Variants in EBF2 observed in about 807,000 individuals in gnomAD.
EBF2 encodes the protein transcription factor COE2.
In EBF2, 21 loss-of-function variants were observed where a neutral mutation model predicts 72.8. The ratio of observed to expected loss-of-function variants is 0.29; its 90% CI spans 0.20 to 0.42. EBF2 has a LOEUF of 0.42. EBF2 is among the 10% of genes least tolerant of loss of function. The pLI is 1.00. For synonymous variants in EBF2, 299 were observed against 274.2 expected, an observed-to-expected ratio of 1.09 and a Z score of -0.89; for missense variants, 637 against 731.2, an observed-to-expected ratio of 0.87 and a Z score of 1.49.
intron 5 of EBF2, among the ~76,000 whole-genome samples, chr8:26,034,692 A>G (rs1182561600): frequency 1.3e-5 from 2 of 152,244 alleles, no homozygotes; most frequent in South Asian, 2.1e-4. Flanking sequence ...TCCACTATCA[A>G]CTATAGTTGG....
At chr8:25,892,819 CTCAGT>C (rs1275405983) in intron 7 of EBF2, among the ~76,000 whole-genome samples, 1 of 152,130 alleles carries the variant, frequency 6.6e-6, no homozygotes, top group Non-Finnish European at 1.5e-5. Context: ...TTAAAGGAAC[CTCAGT>C]TGTCATTCAG....
intron 6 of EBF2, among the ~76,000 whole-genome samples, chr8:25,960,988 T>C (rs561347106): frequency 6.6e-6 from 1 of 152,310 alleles, no homozygotes; most frequent in South Asian, 2.1e-4. Context: ...AGTATGTGTG[T>C]ATTCATAAGT....
At chr8:25,898,792 C>T (rs1802898700) in intron 7 of EBF2, among the ~76,000 whole-genome samples, 1 of 152,134 alleles carries the variant, frequency 6.6e-6, no homozygotes, top group African/African-American at 2.4e-5. Context: ...ATCAGGAGCA[C>T]ACAGGCCCTG....
At chr8:25,936,185 A>G (rs1267339188) in intron 6 of EBF2, among the ~76,000 whole-genome samples, 2 of 152,186 alleles carry the variant, frequency 1.3e-5, no homozygotes, top group Admixed American at 6.5e-5. Context: ...AAGACATTAT[A>G]CTAAAACTCT....
chr8:26,018,374 C>T (rs374040991), intron 6 of EBF2, among the ~76,000 whole-genome samples: 8 of 151,292 alleles, frequency 5.3e-5, no homozygotes, highest in African/African-American at 1.5e-4. Flanking sequence ...GAGAAACGGC[C>T]GGACGCGGTG....
chr8:25,885,123 ACC>A (rs1802668387), intron 10 of EBF2, among the ~76,000 whole-genome samples: 1 of 151,936 alleles, frequency 6.6e-6, no homozygotes, highest in South Asian at 2.1e-4. Flanking sequence ...TGAAGACAAT[ACC>A]TTTGAGTTAC....
At chr8:25,869,451 C>T (rs4872371) in intron 10 of EBF2, among the ~76,000 whole-genome samples, 2,069 of 152,234 alleles carry the variant, frequency 0.014, 110 homozygotes, top group Admixed American at 0.09. Flanking sequence ...ACCCTGTGTG[C>T]ACATGCCAGC....
intron 10 of EBF2, among the ~76,000 whole-genome samples, chr8:25,870,948 C>A (rs536340545): frequency 6.6e-6 from 1 of 152,002 alleles, no homozygotes; most frequent in Non-Finnish European, 1.5e-5. Context: ...CACATACACA[C>A]CGACAGAATT....
intron 11 of EBF2, 140 bp downstream of exon 11, chr8:25,862,569 T>C (rs1171393837): frequency 1.3e-5 from 6 of 464,326 alleles, no homozygotes; most frequent in Non-Finnish European, 2.3e-5. Flanking sequence ...TAGCAGATAT[T>C]TTATGTGCAT....
intron 15 of EBF2, among the ~76,000 whole-genome samples, chr8:25,848,673 T>C (rs1235613070): frequency 6.6e-6 from 1 of 152,142 alleles, no homozygotes; most frequent in African/African-American, 2.4e-5. Context: ...GGGTGATCAG[T>C]GGAAGTCAAG....
Position 25,971,444 on chromosome 8 carries a change from AC to A in EBF2, c.551+61640del, listed in dbSNP as rs1804188482. 1.3e-5 allele frequency among the ~76,000 whole-genome samples: 2 copies of A among 152,062 alleles called. 1 individual carries two copies. Among genetic ancestry groups the A allele is most frequent in the South Asian group, 4.1e-4 (2 of 4,820 alleles). On this transcript the variant is annotated intron_variant, in intron 6 of 15. Coordinates refer to ENST00000520164, the MANE Select transcript of EBF2 (RefSeq NM_022659.4). ...ACACTACAGTGTGACTGGATTCCAG[AC>A]CCCGCCCCCGAAAAAAAGACCTCAA...
chr8:25,970,404 A>G (rs1804172800), intron 6 of EBF2, among the ~76,000 whole-genome samples: 1 of 152,258 alleles, frequency 6.6e-6, no homozygotes, highest in South Asian at 2.1e-4. Context: ...GCTCCAGCAA[A>G]TAACTTTAAT....
chr8:25,938,241 T>C (rs1803611271), intron 6 of EBF2, among the ~76,000 whole-genome samples: 2 of 152,142 alleles, frequency 1.3e-5, no homozygotes. Context: ...TTCTTTTTTT[T>C]CAAGAGATCA....
In EBF2 at chr8:25,913,638, T is replaced by C. The variant is rs369099732; in HGVS notation, c.552-5083A>G. Among the ~76,000 whole-genome samples the C allele has an allele frequency of 5.3e-5, 8 of 152,286 alleles. No homozygotes were observed. The East Asian group carries it at 1.2e-3, about 22-fold the overall frequency. On this transcript the variant is annotated intron_variant, in intron 6 of 15. Transcript: ENST00000520164. ...AACTTCTGCTATGATAATGGCCACA[T>C]TTTATACATCACAGGGATGAGAACA...
chr8:25,861,893 A>G (rs1390386220), intron 11 of EBF2, among the ~76,000 whole-genome samples: 4 of 152,202 alleles, frequency 2.6e-5, no homozygotes, highest in Admixed American at 6.5e-5. Context: ...ACAGAGAATT[A>G]GTAATCACGA....
chr8:25,954,766 G>T (rs1186756969), intron 6 of EBF2, among the ~76,000 whole-genome samples: 1 of 152,138 alleles, frequency 6.6e-6, no homozygotes, highest in Non-Finnish European at 1.5e-5. Context: ...AGCCCTCGCG[G>T]CTCCCCAAGC....
chr8:25,907,658 G>A (rs1338910670), intron 7 of EBF2, among the ~76,000 whole-genome samples: 1 of 151,938 alleles, frequency 6.6e-6, no homozygotes, highest in East Asian at 1.9e-4. Context: ...ATGAGGCTAA[G>A]GTTCCCCATC....
rs778445861 is a variant in EBF2, at chr8:25,858,400, T to C, written c.1447A>G (p.Ser483Gly). Residue 483 changes from serine to glycine, a missense_variant, in exon 14 of 16, where the codon AGC becomes GGC. This residue lies in a region of EBF2 where 259 missense variants were observed against 268.1 expected (regional missense o/e 0.97). Transcript: ENST00000520164. ...STSSNSMNGY[S>G]NVPMANLGVP... The stretch of plus-strand genomic sequence containing the variant: ...CCCAAGTTGGCCATGGGGACATTGC[T>C]GTAGCCATTCATACTGTTGCTGGAG... 1.2e-6 allele frequency: 2 copies of C among 1,614,192 alleles called. No individual in the cohort carries two copies. The highest frequency in any genetic ancestry group is 1.1e-5 in the South Asian group (1 of 91,078).
At chr8:25,845,055 G>A (rs562294849) in intron 15 of EBF2, among the ~76,000 whole-genome samples, 5 of 152,166 alleles carry the variant, frequency 3.3e-5, no homozygotes, top group Non-Finnish European at 7.3e-5. Flanking sequence ...TGCTGAGCCT[G>A]TTGATTTACT....
Sources: allele counts gnomAD v4.1 joint callset (sites outside exome capture counted in the v4.1 genomes callset), GRCh38; gene constraint gnomAD v4.1.1; regional missense constraint gnomAD v4.1.1; transcripts MANE v1.5; gene names NCBI Gene and HGNC (gene_info 2026-07-23, HGNC 2026-07-21).